The following KCNMB2 variants were observed in gnomAD, a reference collection of about 807,000 sequenced individuals.
KCNMB2 encodes the protein potassium calcium-activated channel subfamily M regulatory beta subunit 2, also known as calcium-activated potassium channel subunit beta-2.
In KCNMB2, 9 loss-of-function variants were observed where a neutral mutation model predicts 24.5. The observed-to-expected ratio is 0.37, with a 90% CI of 0.22 to 0.64. The LOEUF (loss-of-function observed/expected upper bound fraction) is 0.64, where lower values mean the gene tolerates loss of function less well. Ranked by LOEUF, KCNMB2 falls within the 30% of genes least tolerant of loss-of-function variation. KCNMB2 has a pLI of 0.63. For missense variants in KCNMB2, 226 were observed against 284.3 expected, an observed-to-expected ratio of 0.79 and a Z score of 1.47; for synonymous variants, 109 against 104.4, an observed-to-expected ratio of 1.04 and a Z score of -0.27.
chr3:178,626,768 G>C (rs1031904554), intron 1 of KCNMB2, among the ~76,000 whole-genome samples: 1 of 151,582 alleles, frequency 6.6e-6, no homozygotes, highest in Non-Finnish European at 1.5e-5. Flanking sequence ...ATGAGATTTG[G>C]GTGGGGACAC....
intron 1 of KCNMB2, among the ~76,000 whole-genome samples, chr3:178,589,083 T>C (rs567938300): frequency 6.6e-6 from 1 of 152,318 alleles, no homozygotes; most frequent in Admixed American, 6.5e-5. Flanking sequence ...AAAAAGACTC[T>C]TCACTAAATA....
chr3:178,725,700 G>T (rs1722944862), intron 1 of KCNMB2, among the ~76,000 whole-genome samples: 1 of 151,828 alleles, frequency 6.6e-6, no homozygotes, highest in Non-Finnish European at 1.5e-5. Flanking sequence ...CACTTAAAAA[G>T]GAATATTTCA....
intron 1 of KCNMB2, among the ~76,000 whole-genome samples, chr3:178,605,830 G>C (rs1027653737): frequency 6.6e-6 from 1 of 152,190 alleles, no homozygotes; most frequent in African/African-American, 2.4e-5. Context: ...TAAAAGTACA[G>C]CTTGGTGCCC....
At chr3:178,617,557 A>G (rs562056421) in intron 1 of KCNMB2, among the ~76,000 whole-genome samples, 1 of 151,704 alleles carries the variant, frequency 6.6e-6, no homozygotes, top group Non-Finnish European at 1.5e-5. Flanking sequence ...TAAAAAAATA[A>G]AAACACAAAG....
chr3:178,676,853 C>T (rs557694942), intron 1 of KCNMB2, among the ~76,000 whole-genome samples: 13 of 152,272 alleles, frequency 8.5e-5, no homozygotes, highest in South Asian at 2.1e-4. Flanking sequence ...AGCATTTTAA[C>T]GTTACGAAAC....
intron 1 of KCNMB2, among the ~76,000 whole-genome samples, chr3:178,741,737 A>AC (rs1251774472): frequency 3.9e-5 from 6 of 152,076 alleles, no homozygotes; most frequent in Non-Finnish European, 8.8e-5. Flanking sequence ...TGTTGGTGAG[A>AC]CCCCCAGCCT....
At chr3:178,680,514 A>G (rs1225857039) in intron 1 of KCNMB2, among the ~76,000 whole-genome samples, 3 of 152,208 alleles carry the variant, frequency 2.0e-5, no homozygotes, top group African/African-American at 7.2e-5. Context: ...AGACACAGCT[A>G]AAACTCTTTA....
rs75081303 is a variant in KCNMB2, at chr3:178,542,249, G to A, written c.-68+5538G>A. Among the ~76,000 whole-genome samples, 780 of 152,212 alleles carry A rather than the reference G, an allele frequency of 5.1e-3. 8 individuals are homozygous for A. Among genetic ancestry groups the A allele is most frequent in the African/African-American group, 0.018 (745 of 41,528 alleles). ...TATATAAAAATAGCTACATGATGTTGGGCAAGTTTCTTAAACCTTACTGAG... is the reference window on the plus strand; with the variant it reads ...TATATAAAAATAGCTACATGATGTTAGGCAAGTTTCTTAAACCTTACTGAG... On this transcript the variant is annotated intron_variant, in intron 1 of 4. Coordinates refer to ENST00000452583, the MANE Select transcript of KCNMB2 (RefSeq NM_181361.3).
chr3:178,774,951 A>G (rs1712520330), intron 1 of KCNMB2, among the ~76,000 whole-genome samples: 1 of 152,204 alleles, frequency 6.6e-6, no homozygotes, highest in African/African-American at 2.4e-5. Flanking sequence ...TGAGGTTGCA[A>G]AAGAGTTCAA....
intron 1 of KCNMB2, among the ~76,000 whole-genome samples, chr3:178,718,207 A>T (rs2108355777): frequency 6.6e-6 from 1 of 152,328 alleles, no homozygotes; most frequent in East Asian, 1.9e-4. Context: ...AACAAATTAC[A>T]GGTATTTGGG....
At chr3:178,635,120 G>C (rs1199462784) in intron 1 of KCNMB2, among the ~76,000 whole-genome samples, 1 of 152,164 alleles carries the variant, frequency 6.6e-6, no homozygotes, top group Non-Finnish European at 1.5e-5. Flanking sequence ...CTCTGTAGTG[G>C]AAGGGCTGGA....
intron 1 of KCNMB2, among the ~76,000 whole-genome samples, chr3:178,656,729 G>A (rs1420863504): frequency 6.6e-6 from 1 of 152,048 alleles, no homozygotes; most frequent in African/African-American, 2.4e-5. Context: ...CCGAGATCGC[G>A]CCACTGCCCT....
intron 4 of KCNMB2, among the ~76,000 whole-genome samples, chr3:178,829,406 T>C (rs1487122818): frequency 6.6e-6 from 1 of 152,236 alleles, no homozygotes; most frequent in Non-Finnish European, 1.5e-5. Flanking sequence ...GATTTGTTTC[T>C]GATAAACCCA....
chr3:178,748,628 T>C (rs1560000563), intron 1 of KCNMB2: 1 of 152,252 alleles, frequency 6.6e-6, no homozygotes, highest in South Asian at 2.1e-4. Context: ...GATTTTAGTA[T>C]GTACCTTTTC....
At chr3:178,765,809 C>T (rs1712094311) in intron 1 of KCNMB2, among the ~76,000 whole-genome samples, 1 of 152,188 alleles carries the variant, frequency 6.6e-6, no homozygotes, top group African/African-American at 2.4e-5. Context: ...AGACCATCTT[C>T]CTGTTCATCG....
intron 1 of KCNMB2, among the ~76,000 whole-genome samples, chr3:178,672,041 A>C (rs970610259): frequency 4.6e-5 from 7 of 152,178 alleles, no homozygotes; most frequent in Admixed American, 1.3e-4. Context: ...AAACTACTGG[A>C]GACTCTTGGA....
chr3:178,645,045 ATTT>A (rs10576689), intron 1 of KCNMB2, among the ~76,000 whole-genome samples: 21 of 92,432 alleles, frequency 2.3e-4, no homozygotes, highest in African/African-American at 6.7e-4. Context: ...AAGATCCAAG[ATTT>A]TTTTTTTTTT....
intron 1 of KCNMB2, among the ~76,000 whole-genome samples, chr3:178,751,560 C>T (rs940717441): frequency 9.2e-6 from 1 of 108,674 alleles, no homozygotes; most frequent in African/African-American, 3.7e-5. Context: ...AGCAACAGTG[C>T]GAGACTCCGT....
At chr3:178,758,169 T>G (rs1435295346) in intron 1 of KCNMB2, among the ~76,000 whole-genome samples, 1 of 94,354 alleles carries the variant, frequency 1.1e-5, no homozygotes, top group East Asian at 3.3e-4. Context: ...CAAGAGGATA[T>G]ATATATATAT....
Sources: allele counts gnomAD v4.1 joint callset (sites outside exome capture counted in the v4.1 genomes callset), GRCh38; gene constraint gnomAD v4.1.1; transcripts MANE v1.5; gene names NCBI Gene and HGNC (gene_info 2026-07-23, HGNC 2026-07-21).